CELF2: variants seen among roughly 807,000 people sequenced by gnomAD.
CELF2 encodes the protein CUGBP Elav-like family member 2.
CELF2 carries 8 observed loss-of-function variants against 62.6 expected under a neutral mutation model. That is an observed-to-expected ratio of 0.13 (90% confidence interval 0.07 to 0.23). The LOEUF (loss-of-function observed/expected upper bound fraction) is 0.23, where lower values mean the gene tolerates loss of function less well. Ranked by LOEUF, CELF2 falls within the 10% of genes least tolerant of loss-of-function variation. CELF2 has a pLI of 1.00. For missense variants in CELF2, 333 were observed against 671.0 expected (o/e 0.50, Z 5.56); for synonymous variants, 258 against 250.0 (o/e 1.03, Z -0.30).
chr10:10,720,657 GATA>G, the CELF2 span, among the ~76,000 whole-genome samples: 1 of 152,210 alleles, frequency 6.6e-6, no homozygotes, highest in Non-Finnish European at 1.5e-5. Context: ...GAAATTTTAA[GATA>G]ATATGACACT....
chr10:11,232,013 T>G (rs574004813), intron 3 of CELF2, among the ~76,000 whole-genome samples: 2 of 152,208 alleles, frequency 1.3e-5, no homozygotes, highest in Non-Finnish European at 2.9e-5. Context: ...TTATTATACT[T>G]TAAGTTTTAG....
the CELF2 span, among the ~76,000 whole-genome samples, chr10:10,572,619 G>A: frequency 6.6e-6 from 1 of 151,294 alleles, no homozygotes; most frequent in Admixed American, 6.6e-5. Context: ...TTGGTTTTCT[G>A]TTCCTGCATT....
chr10:10,615,425 T>C, the CELF2 span, among the ~76,000 whole-genome samples: 6 of 152,144 alleles, frequency 3.9e-5, no homozygotes, highest in African/African-American at 1.4e-4. Flanking sequence ...TGTGAGCAAG[T>C]ATCCTCTTCG....
the CELF2 span, among the ~76,000 whole-genome samples, chr10:10,703,466 T>A: frequency 6.6e-6 from 1 of 152,150 alleles, no homozygotes. Flanking sequence ...AGATAGATCC[T>A]CCCCACTGGG....
chr10:11,046,211 G>A lies in CELF2; in HGVS notation c.74+28048G>A, dbSNP rs1334113179. ...CACCGCTTGTCTAACAACACCGAAC[G>A]CTGGGCCCATCCCCAGACGTTCCGA... On this transcript the variant is annotated intron_variant, in intron 1 of 12. Transcript: ENST00000633077. This position sits in a 1 kb window ranked among gnomAD's most constrained non-coding sequence, Gnocchi z 4.6. Among the ~76,000 whole-genome samples, 4 of 152,178 alleles carry A rather than the reference G, an allele frequency of 2.6e-5. No individual in the cohort carries two copies. Among genetic ancestry groups the A allele is most frequent in the South Asian group, 2.1e-4 (1 of 4,832 alleles).
the CELF2 span, among the ~76,000 whole-genome samples, chr10:10,473,675 T>C: frequency 1.3e-5 from 2 of 152,056 alleles, no homozygotes; most frequent in Non-Finnish European, 1.5e-5. Flanking sequence ...GTAATGGTTA[T>C]GCCTATGGTT....
At chr10:10,795,002 C>T (rs990962889), upstream of CELF2, 2 of 152,154 alleles carry the variant, frequency 1.3e-5, no homozygotes, top group Non-Finnish European at 2.9e-5. Flanking sequence ...ATGACTCTAA[C>T]CCCAGTACTT....
At chr10:11,132,468 A>G (rs949504891) in intron 1 of CELF2, among the ~76,000 whole-genome samples, 1 of 152,210 alleles carries the variant, frequency 6.6e-6, no homozygotes, top group Non-Finnish European at 1.5e-5. Flanking sequence ...AAGGGATACA[A>G]ATTAAGAACC....
intron 1 of CELF2, among the ~76,000 whole-genome samples, chr10:10,867,648 CT>C (rs2060472380): frequency 2.0e-5 from 3 of 152,216 alleles, no homozygotes; most frequent in Non-Finnish European, 2.9e-5. Context: ...ATGCCTTCAA[CT>C]CCTGCCTACC....
At chr10:11,099,819 A>G (rs2050934691) in intron 1 of CELF2, among the ~76,000 whole-genome samples, 1 of 151,506 alleles carries the variant, frequency 6.6e-6, no homozygotes, top group African/African-American at 2.4e-5. Flanking sequence ...TGAATTTATT[A>G]TACATTACAT....
At chr10:10,495,478 G>A in the CELF2 span, among the ~76,000 whole-genome samples, 1 of 152,070 alleles carries the variant, frequency 6.6e-6, no homozygotes, top group African/African-American at 2.4e-5. Context: ...GAGAACTTAA[G>A]GTTACTAAAG....
intron 3 of CELF2, among the ~76,000 whole-genome samples, chr10:11,225,156 C>T (rs1272092351): frequency 6.6e-6 from 1 of 152,186 alleles, no homozygotes; most frequent in Non-Finnish European, 1.5e-5. Context: ...TCACCACTCT[C>T]ACTGCCCACC....
intron 1 of CELF2, among the ~76,000 whole-genome samples, chr10:11,037,912 A>C (rs2061221679): frequency 6.6e-6 from 1 of 152,230 alleles, no homozygotes; most frequent in African/African-American, 2.4e-5. Flanking sequence ...GGTTGAATTA[A>C]TGAGCAGTGG....
intron 1 of CELF2, among the ~76,000 whole-genome samples, chr10:10,808,909 A>C (rs189410442): frequency 6.6e-6 from 1 of 152,162 alleles, no homozygotes; most frequent in Non-Finnish European, 1.5e-5. Context: ...TCCATACGCT[A>C]TTGATATTGA....
intron 2 of CELF2, among the ~76,000 whole-genome samples, chr10:10,941,194 C>G (rs1239896363): frequency 6.6e-6 from 1 of 152,224 alleles, no homozygotes; most frequent in Non-Finnish European, 1.5e-5. Context: ...GCAATGATTA[C>G]TTTCTCTTTT....
At chr10:11,018,410 C>T (rs1297254189) in intron 1 of CELF2, among the ~76,000 whole-genome samples, 2 of 151,640 alleles carry the variant, frequency 1.3e-5, no homozygotes, top group East Asian at 1.9e-4. Context: ...TCCCGGGGAC[C>T]GGGCGGGGTC....
At chr10:10,537,003 C>G in the CELF2 span, among the ~76,000 whole-genome samples, 1 of 152,142 alleles carries the variant, frequency 6.6e-6, no homozygotes, top group Non-Finnish European at 1.5e-5. Context: ...ATTGGACAAG[C>G]TGGATTCACT....
At chr10:10,608,196 G>A in the CELF2 span, among the ~76,000 whole-genome samples, 2 of 152,128 alleles carry the variant, frequency 1.3e-5, no homozygotes, top group African/African-American at 2.4e-5. Flanking sequence ...CCAATCGTGT[G>A]TTACAACCTT....
rs1239554622 is a variant in CELF2 at position 11,068,565 on chromosome 10, C to CT, written c.74+50403dup. Among the ~76,000 whole-genome samples, 593 of 125,710 alleles carry CT rather than the reference C, an allele frequency of 4.7e-3. 7 individuals carry two copies. The highest frequency in any genetic ancestry group is 0.013 in the African/African-American group (404 of 31,096). 82.5% of individuals were successfully genotyped at this position (125,710 alleles called of 152,430 possible). On this transcript the variant is annotated intron_variant, in intron 1 of 12. Transcript: ENST00000633077. ...ACAGAACATTATGAGAACATTATTT[C>CT]TGTTTTTTTTTTTGAGACGGAGTCT... is the stretch of plus-strand genomic sequence containing the variant.
Sources: gnomAD v4.1 joint callset for allele counts (sites outside exome capture counted in the v4.1 genomes callset) on GRCh38, gnomAD v4.1.1 for gene constraint, Gnocchi (gnomAD v3.1) non-coding constraint, MANE v1.5 for transcripts, NCBI Gene and HGNC (gene_info 2026-07-23, HGNC 2026-07-21) for gene names.